Variants in GRM1 observed in about 807,000 individuals in gnomAD.
The protein encoded by GRM1 is metabotropic glutamate receptor 1.
A neutral mutation model predicts 90.9 loss-of-function variants in GRM1; 33 were observed. The observed-to-expected ratio is 0.36, with a 90% CI of 0.28 to 0.49. GRM1 has a LOEUF of 0.49. Ranked by LOEUF, GRM1 falls within the 20% of genes least tolerant of loss-of-function variation. GRM1 has a pLI of 0.99. For synonymous variants in GRM1, 700 were observed against 613.2 expected (o/e 1.14, Z -2.09); for missense variants, 1,190 against 1,534.3 (o/e 0.78, Z 3.75).
chr6:146,052,872 A>G (rs145554477), intron 1 of GRM1, among the ~76,000 whole-genome samples: 421 of 152,072 alleles, frequency 2.8e-3, no homozygotes, highest in African/African-American at 9.2e-3. Flanking sequence ...ATTTGTTGTT[A>G]TACTCACCTA....
At chr6:146,226,283 A>G (rs1203552742) in intron 2 of GRM1, among the ~76,000 whole-genome samples, 2 of 152,146 alleles carry the variant, frequency 1.3e-5, no homozygotes, top group Non-Finnish European at 2.9e-5. Flanking sequence ...CTGTAGCCCT[A>G]GTGTTATTTT....
At chr6:146,214,699 A>G (rs1779809217) in intron 2 of GRM1, among the ~76,000 whole-genome samples, 1 of 152,208 alleles carries the variant, frequency 6.6e-6, no homozygotes, top group Non-Finnish European at 1.5e-5. Flanking sequence ...ATGCTACAAG[A>G]GAATATAGGA....
At chr6:146,247,809 T>C (rs1781123626) in intron 2 of GRM1, among the ~76,000 whole-genome samples, 1 of 147,136 alleles carries the variant, frequency 6.8e-6, no homozygotes, top group South Asian at 2.1e-4. Flanking sequence ...TGTGTGTATA[T>C]ATATATATAT....
intron 2 of GRM1, among the ~76,000 whole-genome samples, chr6:146,212,584 A>G (rs1185927076): frequency 6.6e-6 from 1 of 152,136 alleles, no homozygotes; most frequent in African/African-American, 2.4e-5. Flanking sequence ...ACTTCTTTTT[A>G]GTCTTAATAG....
chr6:146,404,367 T>C (rs1777261236), intron 7 of GRM1, among the ~76,000 whole-genome samples: 1 of 152,084 alleles, frequency 6.6e-6, no homozygotes, highest in African/African-American at 2.4e-5. Flanking sequence ...ACTGCACCAA[T>C]CTTGCAATAT....
At chr6:146,121,022 C>T (rs1775966675) in intron 1 of GRM1, among the ~76,000 whole-genome samples, 2 of 152,136 alleles carry the variant, frequency 1.3e-5, no homozygotes, top group East Asian at 3.9e-4. Flanking sequence ...GTATCAACTC[C>T]TCCTTGTACC....
intron 1 of GRM1, among the ~76,000 whole-genome samples, chr6:146,031,444 C>A (rs1279079232): frequency 1.3e-5 from 2 of 152,032 alleles, no homozygotes; most frequent in Non-Finnish European, 2.9e-5. Flanking sequence ...TAGAAATTGA[C>A]AGCATCCATA....
chr6:146,429,748 C>T (rs1778336506), intron 7 of GRM1, among the ~76,000 whole-genome samples: 1 of 152,180 alleles, frequency 6.6e-6, no homozygotes, highest in Non-Finnish European at 1.5e-5. Context: ...AGCCAATTCC[C>T]TCCTTGCTGG....
chr6:146,165,860 G>A (rs1777885973), intron 2 of GRM1, among the ~76,000 whole-genome samples: 1 of 152,016 alleles, frequency 6.6e-6, no homozygotes, highest in Non-Finnish European at 1.5e-5. Context: ...AACTGAGGAG[G>A]TTGATTTACC....
chr6:146,256,124 CTT>C (rs1273431432), intron 2 of GRM1, among the ~76,000 whole-genome samples: 1 of 152,102 alleles, frequency 6.6e-6, no homozygotes, highest in Non-Finnish European at 1.5e-5. Flanking sequence ...AATAATTTAA[CTT>C]TGGTTCAATC....
intron 2 of GRM1, among the ~76,000 whole-genome samples, chr6:146,229,491 G>A (rs924921477): frequency 4.6e-5 from 7 of 151,524 alleles, no homozygotes; most frequent in Non-Finnish European, 1.0e-4. Context: ...GAGCTGTTGT[G>A]CTGCTTAACT....
chr6:146,419,507 C>G (rs1307828018), intron 7 of GRM1, among the ~76,000 whole-genome samples: 1 of 152,114 alleles, frequency 6.6e-6, no homozygotes, highest in East Asian at 1.9e-4. Flanking sequence ...TTTGCCAGTT[C>G]AGGGCACTAT....
At chr6:146,344,680 C>T (rs1263966935) in intron 3 of GRM1, among the ~76,000 whole-genome samples, 1 of 152,200 alleles carries the variant, frequency 6.6e-6, no homozygotes, top group Non-Finnish European at 1.5e-5. Context: ...AAGAAATCCT[C>T]ACAATTACGA....
At chr6:146,425,477 T>G (rs907761535) in intron 7 of GRM1, among the ~76,000 whole-genome samples, 8 of 152,122 alleles carry the variant, frequency 5.3e-5, no homozygotes, top group Middle Eastern at 3.4e-3. Flanking sequence ...AAGGAAAAGG[T>G]CTTTGATTTG....
At chr6:146,177,549 A>T (rs1044141010) in intron 2 of GRM1, among the ~76,000 whole-genome samples, 3 of 152,106 alleles carry the variant, frequency 2.0e-5, no homozygotes, top group Non-Finnish European at 2.9e-5. Flanking sequence ...AAAATCTGAT[A>T]TTCACGTTTG....
chr6:146,168,603 A>G (rs9497466), intron 2 of GRM1, among the ~76,000 whole-genome samples: 2,403 of 152,016 alleles, frequency 0.016, 52 homozygotes, highest in African/African-American at 0.054. Flanking sequence ...TTTTCTGCCT[A>G]AAGAATTTCG....
intron 2 of GRM1, among the ~76,000 whole-genome samples, chr6:146,175,572 A>G (rs73783616): frequency 7.7e-4 from 117 of 152,308 alleles, no homozygotes; most frequent in Middle Eastern, 3.4e-3. Context: ...TTTGCTCTAC[A>G]GAAGTTAGTT....
chr6:146,142,586 G>A (rs1156330954), intron 1 of GRM1, among the ~76,000 whole-genome samples: 1 of 152,044 alleles, frequency 6.6e-6, no homozygotes, highest in East Asian at 1.9e-4. Flanking sequence ...GTCTACACCA[G>A]CTGCGCTGGC....
chr6:146,295,432 C>T (rs1246491190), intron 2 of GRM1, among the ~76,000 whole-genome samples: 1 of 150,750 alleles, frequency 6.6e-6, no homozygotes, highest in Non-Finnish European at 1.5e-5. Flanking sequence ...GGGGTTTCAT[C>T]ATGTTGGCCA....
Sources: gnomAD v4.1 joint callset for allele counts (sites outside exome capture counted in the v4.1 genomes callset) on GRCh38, gnomAD v4.1.1 for gene constraint, MANE v1.5 for transcripts, NCBI Gene and HGNC (gene_info 2026-07-23, HGNC 2026-07-21) for gene names.